The following SMYD4 variants were observed in gnomAD, a reference collection of about 807,000 sequenced individuals.
The protein encoded by SMYD4 is protein-lysine N-methyltransferase SMYD4.
A neutral mutation model predicts 72.8 loss-of-function variants in SMYD4; 68 were observed. The observed-to-expected ratio is 0.93, with a 90% CI of 0.77 to 1.14. The LOEUF is 1.14. Ranked by LOEUF, SMYD4 falls within the 50% of genes most tolerant of loss-of-function variation. SMYD4 has a pLI of 0.00. For missense variants in SMYD4, 984 were observed against 1,003.7 expected (o/e 0.98, Z 0.27); for synonymous variants, 407 against 388.6 (o/e 1.05, Z -0.56).
At chr17:1,792,979 G>A (rs1016255680) in intron 5 of SMYD4, among the ~76,000 whole-genome samples, 3 of 152,002 alleles carry the variant, frequency 2.0e-5, no homozygotes, top group Admixed American at 2.0e-4. Context: ...TTGCAATGGG[G>A]TGATCTCAGC....
chr17:1,794,913 C>G (rs929836437), intron 5 of SMYD4, among the ~76,000 whole-genome samples: 2 of 152,008 alleles, frequency 1.3e-5, no homozygotes, highest in East Asian at 3.8e-4. Flanking sequence ...CTGTGGTTAT[C>G]GAAGCCGTCT....
At chr17:1,781,506 C>T in intron 10 of SMYD4, 67 bp from the exon 11 acceptor site, 5 of 1,538,574 alleles carry the variant, frequency 3.2e-6, no homozygotes, top group Non-Finnish European at 4.4e-6. Context: ...TGAGGGCCTA[C>T]TCACACACCG....
chr17:1,817,925 T>C (rs1190642739), intron 2 of SMYD4, among the ~76,000 whole-genome samples: 8 of 151,662 alleles, frequency 5.3e-5, no homozygotes, highest in Admixed American at 5.3e-4. Context: ...CGGGTGCCTG[T>C]AGTCCCAGCT....
chr17:1,804,327 C>T (rs1909925182), intron 4 of SMYD4: 1 of 298,276 alleles, frequency 3.4e-6, no homozygotes, highest in South Asian at 3.4e-5. Flanking sequence ...CATGCTACTA[C>T]ACCCGGCTAA....
intron 2 of SMYD4, among the ~76,000 whole-genome samples, chr17:1,827,417 C>CG (rs1316892761): frequency 1.3e-5 from 2 of 150,666 alleles, no homozygotes. Flanking sequence ...CACAATCTAG[C>CG]GGCAAAGGCA....
chr17:1,798,250 C>T (rs1218905434), intron 5 of SMYD4, among the ~76,000 whole-genome samples: 1 of 151,700 alleles, frequency 6.6e-6, no homozygotes, highest in Non-Finnish European at 1.5e-5. Flanking sequence ...CCTGCCTCAG[C>T]CTCCCAAGTG....
intron 5 of SMYD4, among the ~76,000 whole-genome samples, chr17:1,788,920 A>C (rs1230559245): frequency 6.6e-6 from 1 of 152,218 alleles, no homozygotes; most frequent in African/African-American, 2.4e-5. Context: ...AGAAACGCTT[A>C]AATTATCTTC....
rs1031449408 is a variant in SMYD4 at position 1,829,794 on chromosome 17, C to G, written c.-81G>C. 6 of 239,698 alleles carry G rather than the reference C, an allele frequency of 2.5e-5. No individual in the cohort carries two copies. The highest frequency in any genetic ancestry group is 1.3e-3 in the Middle Eastern group (1 of 800). 14.8% of individuals were successfully genotyped at this position (239,698 alleles called of 1,614,324 possible). A position where few individuals can be genotyped will look rare whatever the true frequency, so the allele number is the denominator to read the frequency against. On this transcript the variant is annotated 5_prime_UTR_variant, in exon 1 of 11. Coordinates refer to ENST00000305513, the MANE Select transcript of SMYD4 (RefSeq NM_052928.3). ...GCTCAGACGCGCCCGGAACTGCGCCCTGGTCTCCCTCCCAGCGCCCGCGCA... is the reference window on the plus strand; with the variant it reads ...GCTCAGACGCGCCCGGAACTGCGCCGTGGTCTCCCTCCCAGCGCCCGCGCA...
rs1909950267 is a variant in SMYD4 at position 1,804,732 on chromosome 17, T to TG, written c.280-18dup. ...TGACACTCCCTGCAAAACAATGAAC[T>TG]GGTTAAAAGTATAAATGGACACCAG... On this transcript the variant is annotated splice_polypyrimidine_tract_variant and intron_variant, in intron 3 of 10. Transcript: ENST00000305513. 6.2e-7 allele frequency: 1 copy of TG among 1,610,556 alleles called. No homozygotes were observed. Among genetic ancestry groups the TG allele is most frequent in the South Asian group, 1.1e-5 (1 of 91,008 alleles).
intron 2 of SMYD4, among the ~76,000 whole-genome samples, chr17:1,826,673 A>G (rs545300524): frequency 3.9e-5 from 6 of 152,150 alleles, no homozygotes; most frequent in Non-Finnish European, 5.9e-5. Context: ...AAAGACATCA[A>G]CCTTGAACGT....
chr17:1,818,655 A>T (rs1224909573), intron 2 of SMYD4, among the ~76,000 whole-genome samples: 3 of 151,818 alleles, frequency 2.0e-5, no homozygotes, highest in Non-Finnish European at 4.4e-5. Context: ...ATAATTTTTA[A>T]ATTTATTTTT....
chr17:1,824,698 C>T (rs928496541), intron 2 of SMYD4, among the ~76,000 whole-genome samples: 1 of 152,162 alleles, frequency 6.6e-6, no homozygotes, highest in Non-Finnish European at 1.5e-5. Flanking sequence ...CAGCGCACTG[C>T]ACCCTCCGTC....
chr17:1,814,990 AC>A (rs1410084759), intron 2 of SMYD4, among the ~76,000 whole-genome samples: 1 of 152,118 alleles, frequency 6.6e-6, no homozygotes, highest in African/African-American at 2.4e-5. Context: ...CCTAGTTCAA[AC>A]AAAAGGTTTG....
intron 5 of SMYD4, among the ~76,000 whole-genome samples, chr17:1,797,161 G>C (rs920989761): frequency 2.0e-5 from 3 of 152,152 alleles, no homozygotes; most frequent in African/African-American, 7.2e-5. Flanking sequence ...ACAAATTCTA[G>C]ATGACCTAAT....
chr17:1,799,851 T>C lies in SMYD4; in HGVS notation c.1537+6A>G. 1 of 1,572,066 alleles carries C rather than the reference T, an allele frequency of 6.4e-7. No individual in the cohort carries two copies. Among genetic ancestry groups the C allele is most frequent in the South Asian group, 1.2e-5 (1 of 86,500 alleles). ...TGAAAAGCAGGAACATCAGGTTCCC[T>C]CTTACCTGTGTGTTGTATGGTGGTC... On this transcript the variant is annotated splice_donor_region_variant and intron_variant, in intron 5 of 10. Transcript: ENST00000305513.
intron 5 of SMYD4, among the ~76,000 whole-genome samples, chr17:1,797,205 G>C (rs932395442): frequency 6.6e-6 from 1 of 152,200 alleles, no homozygotes; most frequent in Non-Finnish European, 1.5e-5. Flanking sequence ...GTAGAGTTTA[G>C]TGAAGCCACA....
At chr17:1,783,314 C>A in intron 9 of SMYD4, 46 bp downstream of exon 9, 5 of 1,610,854 alleles carry the variant, frequency 3.1e-6, no homozygotes, top group Non-Finnish European at 4.2e-6. Context: ...GCGAAGTGCC[C>A]ACAGCAGACT....
Position 1,781,412 on chromosome 17 carries a change from T to C in SMYD4, c.2289A>G (p.Thr763=). The change falls in exon 11 of 11, where the codon ACA becomes ACG. Residue 763 remains threonine, a synonymous_variant. Transcript: ENST00000305513. ...NGFAVPEALS[T]IQKAEEVLSL... is the part of the protein sequence containing the mutation. ...ACAGAACCTCCTCAGCTTTCTGTAT[T>C]GTGCTCAGGGCTTCGGGTACTGCAA... The C allele has an allele frequency of 6.2e-7, 1 of 1,614,094 alleles. No individual in the cohort carries two copies. Among genetic ancestry groups the C allele is most frequent in the East Asian group, 2.2e-5 (1 of 44,878 alleles).
At chr17:1,827,765 T>A in intron 2 of SMYD4, 96 bp downstream of exon 2, 1 of 1,444,028 alleles carries the variant, frequency 6.9e-7, no homozygotes, top group Non-Finnish European at 9.3e-7. Flanking sequence ...CAAGACTCAA[T>A]CTTTATTTAA....
Sources: allele counts gnomAD v4.1 joint callset (sites outside exome capture counted in the v4.1 genomes callset), GRCh38; gene constraint gnomAD v4.1.1; transcripts MANE v1.5; gene names NCBI Gene and HGNC (gene_info 2026-07-23, HGNC 2026-07-21).